PUF60: variants seen among roughly 807,000 people sequenced by gnomAD.
The protein encoded by PUF60 is poly(U)-binding-splicing factor PUF60.
In PUF60, 10 loss-of-function variants were observed where a neutral mutation model predicts 61.8. The observed-to-expected ratio is 0.16, with a 90% confidence interval of 0.10 to 0.27. The LOEUF (loss-of-function observed/expected upper bound fraction) is 0.27. Among genes scored for constraint, PUF60 ranks in the 10% least tolerant of loss-of-function variants. The probability of loss-of-function intolerance (pLI) is 1.00; values close to 1 mark genes in which losing one functional copy is unlikely to be tolerated. For synonymous variants in PUF60, 353 were observed against 300.9 expected, an observed-to-expected ratio of 1.17 and a Z score of -1.79; for missense variants, 371 against 754.0, an observed-to-expected ratio of 0.49 and a Z score of 5.95.
intron 1 of PUF60, among the ~76,000 whole-genome samples, chr8:143,826,288 A>G (rs916980146): frequency 6.6e-6 from 1 of 152,252 alleles, no homozygotes; most frequent in African/African-American, 2.4e-5. Flanking sequence ...TCAGAAAACA[A>G]GAAAAGCAAT....
At chr8:143,827,432 A>G (rs1372833396) in intron 1 of PUF60, 1 of 456,262 alleles carries the variant, frequency 2.2e-6, no homozygotes, top group South Asian at 1.5e-5. Context: ...CACCAGGCAG[A>G]AGGCATGCCC....
At chr8:143,819,127 T>C (rs1284233074) in intron 5 of PUF60, 1 of 152,296 alleles carries the variant, frequency 6.6e-6, no homozygotes, top group African/African-American at 2.4e-5. Context: ...GCCTTCCCAG[T>C]GCCCTGCAAC....
At chr8:143,824,427 G>T in intron 1 of PUF60, 28 bp from the exon 2 acceptor site, 2 of 1,605,280 alleles carry the variant, frequency 1.2e-6, no homozygotes, top group South Asian at 1.1e-5. Flanking sequence ...ATGTTGTAAC[G>T]ACAGGCACAC....
Position 143,817,548 on chromosome 8 carries a change from G to C in PUF60, c.1008+44C>G. Reference sequence around the variant, plus strand: ...TGAATCAGTCTCCAAGGAATCAGGGGCCAGCCCGCCCACCCTCAAGCCGAC... The same window carrying C: ...TGAATCAGTCTCCAAGGAATCAGGGCCCAGCCCGCCCACCCTCAAGCCGAC... On this transcript the variant is annotated intron_variant, in intron 9 of 11. Coordinates refer to ENST00000526683, the MANE Select transcript of PUF60 (RefSeq NM_078480.3). This position sits in a 1 kb window ranked among gnomAD's most constrained non-coding sequence, Gnocchi z 7.4. 1.9e-6 allele frequency: 3 copies of C among 1,608,452 alleles called. No homozygotes were observed. Among genetic ancestry groups the C allele is most frequent in the Non-Finnish European group, 2.5e-6 (3 of 1,179,036 alleles).
chr8:143,817,980 C>A lies in PUF60; in HGVS notation c.699G>T (p.Val233=), dbSNP rs779929922. Residue 233 remains valine (V), a synonymous_variant, in exon 8 of 12, where the codon GTG becomes GTT. Coordinates refer to ENST00000526683, the MANE Select transcript of PUF60 (RefSeq NM_078480.3). This position sits in a 1 kb window ranked among gnomAD's most constrained non-coding sequence, Gnocchi z 7.4. ...RAFNRIYVAS[V]HQDLSDDDIK... ...TGTCATCGTCTGAGAGGTCCTGGTG[C>A]ACAGAGGCCACGTAGATGCGGTTGA... is the stretch of plus-strand genomic sequence containing the variant. The A allele has an allele frequency of 6.2e-7, 1 of 1,612,788 alleles. No homozygotes were observed. Among genetic ancestry groups the A allele is most frequent in the African/African-American group, 1.3e-5 (1 of 74,908 alleles).
chr8:143,817,793 G>A lies in PUF60; in HGVS notation c.818-11C>T, dbSNP rs111677763. 9 of 1,607,560 alleles carry A rather than the reference G, an allele frequency of 5.6e-6. No individual in the cohort carries two copies. In the Admixed American group the frequency reaches 1.0e-4, roughly 18 times the overall value. ...GGGCCTTCTCGTACTCTGTGGGCAGGAGCAGCAGTGAGCAGGGCCAGCCCC... is the reference window on the plus strand; with the variant it reads ...GGGCCTTCTCGTACTCTGTGGGCAGAAGCAGCAGTGAGCAGGGCCAGCCCC... On this transcript the variant is annotated splice_polypyrimidine_tract_variant and intron_variant, in intron 8 of 11. Transcript: ENST00000526683. The surrounding 1 kb of genome is among the most constrained non-coding windows in gnomAD (Gnocchi z 7.4).
chr8:143,816,478 GGAAACAA>G lies in PUF60; in HGVS notation c.*35_*41del. Reference sequence around the variant, plus strand: ...CCACTGTATCACTATAAAACCCAGAGGAAACAAGGAACAAGTGCAAGTCCGGGGAGAG... The same window carrying G: ...CCACTGTATCACTATAAAACCCAGAGGGAACAAGTGCAAGTCCGGGGAGAG... On this transcript the variant is annotated 3_prime_UTR_variant, in exon 12 of 12. Coordinates refer to ENST00000526683, the MANE Select transcript of PUF60 (RefSeq NM_078480.3). 6.4e-7 allele frequency: 1 copy of G among 1,570,740 alleles called. No homozygotes were observed. Among genetic ancestry groups the G allele is most frequent in the African/African-American group, 1.4e-5 (1 of 73,916 alleles).
intron 2 of PUF60, chr8:143,822,807 A>T (rs1342697635): frequency 2.9e-6 from 1 of 343,872 alleles, no homozygotes; most frequent in Non-Finnish European, 5.8e-6. Context: ...TGGGATGGGC[A>T]AACAGCATGC....
intron 1 of PUF60, among the ~76,000 whole-genome samples, chr8:143,826,844 G>A (rs1371342205): frequency 6.6e-6 from 1 of 152,220 alleles, no homozygotes; most frequent in East Asian, 1.9e-4. Flanking sequence ...AAGATTCAGT[G>A]AAATCCCAAC....
chr8:143,826,116 G>A (rs1232895953), intron 1 of PUF60, among the ~76,000 whole-genome samples: 1 of 152,194 alleles, frequency 6.6e-6, no homozygotes, highest in African/African-American at 2.4e-5. Flanking sequence ...GCCATCTTTA[G>A]GCAATTAAAA....
chr8:143,824,251 C>A, intron 2 of PUF60, 62 bp downstream of exon 2: 2 of 1,489,712 alleles, frequency 1.3e-6, no homozygotes, highest in South Asian at 1.3e-5. Context: ...GACGCACAGG[C>A]AGGCGGGCGG....
intron 1 of PUF60, among the ~76,000 whole-genome samples, chr8:143,825,844 G>A (rs1586613939): frequency 6.6e-6 from 1 of 152,244 alleles, no homozygotes; most frequent in East Asian, 1.9e-4. Flanking sequence ...GGTGAACTGA[G>A]GGGCACTTTT....
In PUF60 at chr8:143,822,595, G is replaced by C. The variant is rs907282324; in HGVS notation, c.112-682C>G. The C allele has an allele frequency of 4.2e-5, 19 of 456,446 alleles. No individual in the cohort carries two copies. In the Admixed American group the frequency reaches 4.5e-4, roughly 11 times the overall value. The allele number at this position is 456,446 out of a possible 1,614,324, so 28.3% of individuals were successfully genotyped here. The stretch of plus-strand genomic sequence containing the variant: ...TGCCTGGCCCACTGGGAGAAGCCAG[G>C]AGCAGACCCCACTGGCACCCTAGCC... On this transcript the variant is annotated intron_variant, in intron 2 of 11. Coordinates refer to ENST00000526683, the MANE Select transcript of PUF60 (RefSeq NM_078480.3).
At position 143,821,972 on chromosome 8, in the gene PUF60, C is replaced by T. The variant is rs376832316; in HGVS notation, c.112-59G>A. 1.1e-5 allele frequency: 15 copies of T among 1,326,128 alleles called. No individual in the cohort carries two copies. In the East Asian group the frequency reaches 1.2e-4, roughly 11 times the overall value. 82.1% of individuals were successfully genotyped at this position (1,326,128 alleles called of 1,614,324 possible). A position where few individuals can be genotyped will look rare whatever the true frequency, so the allele number is the denominator to read the frequency against. ...AGCTCAAGTTCTCCTTCACGTGGCC[C>T]CAGGAGGGCCACCCCTAGCACAGAC... is the stretch of plus-strand genomic sequence containing the variant. On this transcript the variant is annotated intron_variant, in intron 2 of 11. Transcript: ENST00000526683.
Position 143,817,222 on chromosome 8 carries a change from C to G in PUF60, c.1145-77G>C. ...CAGAAAGGCACAGAGCTGGCCTGCC[C>G]TGGGCTCAGAGGGTTGTGCCCAGAC... On this transcript the variant is annotated intron_variant, in intron 10 of 11. Coordinates refer to ENST00000526683, the MANE Select transcript of PUF60 (RefSeq NM_078480.3). The surrounding 1 kb of genome is among the most constrained non-coding windows in gnomAD (Gnocchi z 7.4). 4 of 1,523,188 alleles carry G rather than the reference C, an allele frequency of 2.6e-6. No individual in the cohort carries two copies. The South Asian group carries it at 5.2e-5, about 20-fold the overall frequency. 94.4% of individuals were successfully genotyped at this position (1,523,188 alleles called of 1,614,324 possible).
At chr8:143,824,259 C>G in intron 2 of PUF60, 54 bp downstream of exon 2, 4 of 1,488,770 alleles carry the variant, frequency 2.7e-6, no homozygotes, top group Non-Finnish European at 3.6e-6. Context: ...GGCAGGCGGG[C>G]GGGCGGGCGG....
intron 4 of PUF60, chr8:143,821,395 G>A (rs1817003475): frequency 1.6e-6 from 1 of 608,812 alleles, no homozygotes; most frequent in East Asian, 2.7e-5. Context: ...CGCTTTAGGG[G>A]CTCCAGCGAG....
Position 143,829,263 on chromosome 8 carries a change from T to TG in PUF60, c.24+16dup, listed in dbSNP as rs782023956. On this transcript the variant is annotated intron_variant, in intron 1 of 11. Transcript: ENST00000526683. ...GCAAGCCGAGGGCCGCCCGCGCTCA[T>TG]GGGGGGGCTCACTTACGAGAGCTAT... 129 of 1,251,290 alleles carry TG rather than the reference T, an allele frequency of 1.0e-4. No homozygotes were observed. The highest frequency in any genetic ancestry group is 2.4e-4 in the South Asian group (8 of 32,830). 77.5% of individuals were successfully genotyped at this position (1,251,290 alleles called of 1,614,324 possible).
rs1374912070 is a variant in PUF60 at position 143,829,269 on chromosome 8, G to A, written c.24+11C>T. On this transcript the variant is annotated intron_variant, in intron 1 of 11. Coordinates refer to ENST00000526683, the MANE Select transcript of PUF60 (RefSeq NM_078480.3). ...CGAGGGCCGCCCGCGCTCATGGGGG[G>A]GCTCACTTACGAGAGCTATGGTCGC... The A allele has an allele frequency of 3.2e-6, 4 of 1,257,954 alleles. No homozygotes were observed. Among genetic ancestry groups the A allele is most frequent in the Non-Finnish European group, 4.0e-6 (4 of 996,434 alleles). The allele number at this position is 1,257,954 out of a possible 1,614,324, so 77.9% of individuals were successfully genotyped here.
Sources: gnomAD v4.1 joint callset for allele counts (sites outside exome capture counted in the v4.1 genomes callset) on GRCh38, gnomAD v4.1.1 for gene constraint, Gnocchi (gnomAD v3.1) non-coding constraint, MANE v1.5 for transcripts, NCBI Gene and HGNC (gene_info 2026-07-23, HGNC 2026-07-21) for gene names.